Variants in GALNT17 observed in about 807,000 individuals in gnomAD.
GALNT17 encodes UDP-GalNAc:polypeptide N-acetylgalactosaminyltransferase-like 3.
Under a neutral mutation model 63.7 loss-of-function variants are expected in GALNT17, and 29 were observed. The observed-to-expected ratio is 0.46, with a 90% confidence interval of 0.34 to 0.62. GALNT17 has a LOEUF of 0.62. GALNT17 is among the 20% of genes least tolerant of loss of function. The probability of loss-of-function intolerance (pLI) is 0.01; values close to 1 mark genes in which losing one functional copy is unlikely to be tolerated. For synonymous variants in GALNT17, 305 were observed against 318.3 expected, an observed-to-expected ratio of 0.96 and a Z score of 0.45; for missense variants, 603 against 799.6, an observed-to-expected ratio of 0.75 and a Z score of 2.97.
intron 6 of GALNT17, among the ~76,000 whole-genome samples, chr7:71,639,343 C>T (rs1790572575): frequency 6.6e-6 from 1 of 152,224 alleles, no homozygotes; most frequent in African/African-American, 2.4e-5. Flanking sequence ...AACTGATCTG[C>T]ACTCTCTTGT....
chr7:71,673,257 T>C (rs1156575512), intron 8 of GALNT17, among the ~76,000 whole-genome samples: 1 of 152,216 alleles, frequency 6.6e-6, no homozygotes. Flanking sequence ...CTCAGACATG[T>C]TATTTTTGAG....
intron 1 of GALNT17, among the ~76,000 whole-genome samples, chr7:71,154,812 A>G (rs906945401): frequency 6.6e-6 from 1 of 151,764 alleles, no homozygotes; most frequent in Non-Finnish European, 1.5e-5. Flanking sequence ...TCCTGACCTC[A>G]TGATCCACCC....
chr7:71,187,716 A>G (rs1788877695), intron 1 of GALNT17, among the ~76,000 whole-genome samples: 2 of 152,066 alleles, frequency 1.3e-5, no homozygotes, highest in South Asian at 4.1e-4. Flanking sequence ...TTTCCTGTTG[A>G]AGACCCAATT....
chr7:71,390,091 C>T (rs911950234), intron 3 of GALNT17, among the ~76,000 whole-genome samples: 2 of 152,136 alleles, frequency 1.3e-5, no homozygotes, highest in Admixed American at 1.3e-4. Flanking sequence ...AGAAAGCCAG[C>T]TAGAGTGAGT....
Position 71,335,601 on chromosome 7 carries a change from G to C in GALNT17, c.290G>C (p.Gly97Ala), listed in dbSNP as rs1791885345. 3.7e-6 allele frequency: 6 copies of C among 1,612,538 alleles called. No homozygotes were observed. In the East Asian group the frequency reaches 1.3e-4, roughly 36 times the overall value. The change falls in exon 2 of 11, where the codon GGG becomes GCG. Residue 97 changes from glycine to alanine, a missense_variant. By Grantham distance (60) the Gly-to-Ala change is moderately conservative. Transcript: ENST00000333538. ...LIEGYGGRGK[G>A]GLPATLSPAE... The stretch of plus-strand genomic sequence containing the variant: ...GAAGGTTATGGTGGGCGGGGTAAAG[G>C]GGGCCTTCCGGCTACTCTTTCCCCG...
At chr7:71,155,159 G>A (rs73361724) in intron 1 of GALNT17, among the ~76,000 whole-genome samples, 3,767 of 151,808 alleles carry the variant, frequency 0.025, 263 homozygotes, top group African/African-American at 0.086. Context: ...CGTGGACGAC[G>A]GTTATCTGAC....
intron 1 of GALNT17, among the ~76,000 whole-genome samples, chr7:71,249,202 A>G (rs368064800): frequency 6.6e-6 from 1 of 152,170 alleles, no homozygotes; most frequent in African/African-American, 2.4e-5. Flanking sequence ...TCTGTTTCAG[A>G]TTTCCTTTCT....
chr7:71,648,029 T>C (rs1378403500), intron 6 of GALNT17, among the ~76,000 whole-genome samples: 1 of 152,120 alleles, frequency 6.6e-6, no homozygotes, highest in Non-Finnish European at 1.5e-5. Context: ...ACTTCCTCAC[T>C]TCCTCTGGGT....
At chr7:71,536,772 G>A (rs115373723) in intron 5 of GALNT17, among the ~76,000 whole-genome samples, 2,152 of 152,292 alleles carry the variant, frequency 0.014, 43 homozygotes, top group African/African-American at 0.048. Flanking sequence ...GAATGGGAAC[G>A]ACAGCAATAA....
At chr7:71,352,915 C>T (rs2527315) in intron 2 of GALNT17, among the ~76,000 whole-genome samples, 4,777 of 152,138 alleles carry the variant, frequency 0.031, 250 homozygotes, top group African/African-American at 0.11. Flanking sequence ...ATGCCAGAAT[C>T]GTTCAGCAGA....
chr7:71,137,434 C>CT (rs1787807334), intron 1 of GALNT17, among the ~76,000 whole-genome samples: 1 of 152,222 alleles, frequency 6.6e-6, no homozygotes, highest in Non-Finnish European at 1.5e-5. Flanking sequence ...CCACCGCGCC[C>CT]GGCCATTTTG....
At chr7:71,424,096 GT>G (rs1413182499) in intron 5 of GALNT17, among the ~76,000 whole-genome samples, 2 of 152,170 alleles carry the variant, frequency 1.3e-5, no homozygotes, top group African/African-American at 4.8e-5. Context: ...CACACCAACT[GT>G]TCATCATGCA....
rs536662976 is a variant in GALNT17 at position 71,616,332 on chromosome 7, C to T, written c.1080+44930C>T. ...CTTGATTGCTTCTCTTGTCCTCACT[C>T]GCTCCTCAACCTCACCTTTTGTTGG... On this transcript the variant is annotated intron_variant, in intron 6 of 10. Transcript: ENST00000333538. Among the ~76,000 whole-genome samples, 22 of 152,050 alleles carry T rather than the reference C, an allele frequency of 1.4e-4. 1 individual carries two copies. The highest frequency in any genetic ancestry group is 4.3e-4 in the African/African-American group (18 of 41,488).
chr7:71,389,543 A>G (rs980429074), intron 3 of GALNT17, among the ~76,000 whole-genome samples: 3 of 152,106 alleles, frequency 2.0e-5, no homozygotes, highest in Non-Finnish European at 4.4e-5. Flanking sequence ...ATTGTCTTCC[A>G]CAAAGCCACT....
chr7:71,623,661 C>A (rs564621953), intron 6 of GALNT17, among the ~76,000 whole-genome samples: 1 of 152,244 alleles, frequency 6.6e-6, no homozygotes, highest in East Asian at 1.9e-4. Context: ...GTCTCAAACT[C>A]CTGACCTCAA....
chr7:71,202,821 A>G (rs1293785780), intron 1 of GALNT17, among the ~76,000 whole-genome samples: 5 of 152,162 alleles, frequency 3.3e-5, no homozygotes, highest in Non-Finnish European at 5.9e-5. Context: ...CTCTGCTTCT[A>G]TAAGTTTGAC....
At chr7:71,566,478 A>G (rs963497623) in intron 5 of GALNT17, among the ~76,000 whole-genome samples, 5 of 152,078 alleles carry the variant, frequency 3.3e-5, no homozygotes, top group Non-Finnish European at 4.4e-5. Context: ...TGATGTGCTC[A>G]GAAACACCCT....
intron 1 of GALNT17, among the ~76,000 whole-genome samples, chr7:71,227,490 C>G (rs1376695524): frequency 5.3e-5 from 8 of 152,098 alleles, no homozygotes; most frequent in Non-Finnish European, 1.2e-4. Context: ...CATTTCTCAC[C>G]CATTTTCCTG....
At chr7:71,133,062 T>G (rs770191540) in intron 1 of GALNT17, 22 bp downstream of exon 1, 3 of 1,518,004 alleles carry the variant, frequency 2.0e-6, no homozygotes, top group Non-Finnish European at 2.6e-6. Flanking sequence ...CGCCGGCGCC[T>G]CCGGGGCTCG....
Sources: gnomAD v4.1 joint callset for allele counts (sites outside exome capture counted in the v4.1 genomes callset) on GRCh38, gnomAD v4.1.1 for gene constraint, MANE v1.5 for transcripts, NCBI Gene and HGNC (gene_info 2026-07-23, HGNC 2026-07-21) for gene names.